Variants in CHKA observed in about 807,000 individuals in gnomAD.
CHKA encodes choline kinase alpha.
CHKA carries 34 observed loss-of-function variants against 60.1 expected under a neutral mutation model. The ratio of observed to expected loss-of-function variants is 0.57; its 90% CI spans 0.43 to 0.75. The LOEUF is 0.75. CHKA is among the 30% of genes least tolerant of loss of function. CHKA has a pLI of 0.00. For synonymous variants in CHKA, 217 were observed against 223.1 expected (o/e 0.97, Z 0.24); for missense variants, 563 against 561.3 (o/e 1.00, Z -0.03).
chr11:68,064,450 G>C (rs1856371229), intron 10 of CHKA, 75 bp downstream of exon 10: 2 of 674,888 alleles, frequency 3.0e-6, no homozygotes, highest in Non-Finnish European at 4.9e-6. Context: ...ACTCCTAATT[G>C]CAAGTCAGCA....
intron 1 of CHKA, among the ~76,000 whole-genome samples, chr11:68,097,826 G>A (rs1019568767): frequency 1.3e-5 from 2 of 152,124 alleles, no homozygotes; most frequent in African/African-American, 2.4e-5. Flanking sequence ...AGATGAAACA[G>A]GAGACCTCAA....
chr11:68,071,344 G>A (rs964920825), intron 4 of CHKA, among the ~76,000 whole-genome samples: 16 of 152,220 alleles, frequency 1.1e-4, no homozygotes, highest in African/African-American at 1.4e-4. Flanking sequence ...CAGGGGGGCC[G>A]TCTCCAGCTG....
At chr11:68,055,085 T>G (rs968646299) in intron 11 of CHKA, among the ~76,000 whole-genome samples, 9 of 152,148 alleles carry the variant, frequency 5.9e-5, no homozygotes, top group Non-Finnish European at 1.2e-4. Context: ...TGCTTCCAGT[T>G]TGGGACGATT....
chr11:68,068,893 T>C lies in CHKA; in HGVS notation c.914A>G (p.Asn305Ser). 1.2e-6 allele frequency: 2 copies of C among 1,612,080 alleles called. No individual in the cohort carries two copies. Among genetic ancestry groups the C allele is most frequent in the Non-Finnish European group, 1.7e-6 (2 of 1,178,456 alleles). Residue 305 changes from asparagine (N) to serine (S), a missense_variant, in exon 7 of 12, where the codon AAT (asparagine) becomes AGT (serine). Physicochemically the swap from Asn to Ser is conservative, Grantham distance 46. Coordinates refer to ENST00000265689, the MANE Select transcript of CHKA (RefSeq NM_001277.3). The stretch of plus-strand genomic sequence containing the variant: ...GCAATTCTTACCTTCTTGACAGTCA[T>C]TATGACAAAATACAACTGGAGATGG... ...STPSPVVFCH[N>S]DCQEGNILLL...
rs1858629642 is a variant in CHKA at position 68,121,091 on chromosome 11, C to T, written c.87G>A (p.Pro29=). Residue 29 remains proline (P), a synonymous_variant, in exon 1 of 12, where the codon CCG becomes CCA. Coordinates refer to ENST00000265689, the MANE Select transcript of CHKA (RefSeq NM_001277.3). The part of the protein sequence containing the change: ...LLSCGSGSAA[P]APGVGQQRDA... ...CGCGCTGCTGCCCCACGCCGGGCGC[C>T]GGGGCCGCGCTGCCGCTACCGCAGC... is the stretch of plus-strand genomic sequence containing the variant. 3 of 1,135,882 alleles carry T rather than the reference C, an allele frequency of 2.6e-6. No homozygotes were observed. Among genetic ancestry groups the T allele is most frequent in the African/African-American group, 1.7e-5 (1 of 60,066 alleles). 70.4% of individuals were successfully genotyped at this position (1,135,882 alleles called of 1,614,324 possible). A position where few individuals can be genotyped will look rare whatever the true frequency, so the allele number is the denominator to read the frequency against.
chr11:68,064,207 G>A (rs1590836424), intron 10 of CHKA, among the ~76,000 whole-genome samples: 1 of 152,316 alleles, frequency 6.6e-6, no homozygotes. Context: ...AGGAGTTCAA[G>A]ACTAGCCTGG....
intron 3 of CHKA, among the ~76,000 whole-genome samples, chr11:68,077,727 G>A (rs1039990650): frequency 2.0e-5 from 3 of 152,124 alleles, no homozygotes; most frequent in East Asian, 1.9e-4. Context: ...GCAAGTACAC[G>A]CAGCTATGGA....
intron 2 of CHKA, among the ~76,000 whole-genome samples, chr11:68,088,598 A>G (rs1039018385): frequency 2.0e-5 from 3 of 152,166 alleles, no homozygotes; most frequent in African/African-American, 4.8e-5. Flanking sequence ...TAGAATTGAA[A>G]GAGTTATGTG....
chr11:68,110,998 A>C (rs1858112824), intron 1 of CHKA, among the ~76,000 whole-genome samples: 3 of 140,900 alleles, frequency 2.1e-5, no homozygotes, highest in African/African-American at 7.9e-5. Flanking sequence ...ACTCCATCTC[A>C]AAAAAAAAAA....
At chr11:68,062,469 T>C (rs1488013977) in intron 10 of CHKA, among the ~76,000 whole-genome samples, 1 of 152,222 alleles carries the variant, frequency 6.6e-6, no homozygotes, top group Non-Finnish European at 1.5e-5. Context: ...CTCTCACTCC[T>C]TGAGCAAGAG....
At chr11:68,102,502 A>G (rs929781365) in intron 1 of CHKA, among the ~76,000 whole-genome samples, 19 of 152,234 alleles carry the variant, frequency 1.2e-4, no homozygotes, top group Non-Finnish European at 2.4e-4. Flanking sequence ...TATCGCACGC[A>G]CAAGAATGAA....
rs1205552071 is a variant in CHKA, at chr11:68,121,215, C to T, written c.-38G>A. The T allele has an allele frequency of 2.6e-6, 3 of 1,139,582 alleles. No homozygotes were observed. Among genetic ancestry groups the T allele is most frequent in the Non-Finnish European group, 3.2e-6 (3 of 929,112 alleles). 70.6% of individuals were successfully genotyped at this position (1,139,582 alleles called of 1,614,324 possible). A position where few individuals can be genotyped will look rare whatever the true frequency, so the allele number is the denominator to read the frequency against. On this transcript the variant is annotated 5_prime_UTR_variant, in exon 1 of 12. Transcript: ENST00000265689. ...GCCGAGGAGGCGCGGGCGGCCGCAG[C>T]GCGAGAGGACTAGGCTCAGAGTCCG...
chr11:68,062,673 G>C (rs1476892195), intron 10 of CHKA, among the ~76,000 whole-genome samples: 1 of 152,198 alleles, frequency 6.6e-6, no homozygotes, highest in Admixed American at 6.5e-5. Context: ...AGGAGTGCCT[G>C]CTCTAGTATC....
intron 7 of CHKA, among the ~76,000 whole-genome samples, chr11:68,068,587 T>G (rs1043315267): frequency 5.3e-5 from 8 of 152,098 alleles, no homozygotes; most frequent in Admixed American, 1.3e-4. Flanking sequence ...CTGGCTAATG[T>G]TTTTATTTTT....
At chr11:68,071,915 T>G in intron 4 of CHKA, among the ~76,000 whole-genome samples, 1 of 152,152 alleles carries the variant, frequency 6.6e-6, no homozygotes, top group East Asian at 1.9e-4. Flanking sequence ...GGACTCAACC[T>G]TCTATTCAAC....
intron 9 of CHKA, among the ~76,000 whole-genome samples, 189 bp downstream of exon 9, chr11:68,065,597 G>A (rs1053926194): frequency 2.0e-5 from 3 of 151,992 alleles, no homozygotes; most frequent in African/African-American, 7.3e-5. Context: ...GCTACTTGGG[G>A]GGCTGAGGCG....
Position 68,115,221 on chromosome 11 carries a change from T to A in CHKA, c.350+5607A>T, listed in dbSNP as rs534239626. Among the ~76,000 whole-genome samples the A allele has an allele frequency of 2.0e-5, 3 of 152,348 alleles. No homozygotes were observed. The South Asian group carries it at 6.2e-4, about 32-fold the overall frequency. The stretch of plus-strand genomic sequence containing the variant: ...GGCTAAGATATGCTGTTCAGTAGAT[T>A]CAATGTATTAAATGCATTTCAATTT... On this transcript the variant is annotated intron_variant, in intron 1 of 11. Transcript: ENST00000265689.
At position 68,071,214 on chromosome 11, in the gene CHKA, G is replaced by A. The variant is rs533563524; in HGVS notation, c.631-357C>T. On this transcript the variant is annotated intron_variant, in intron 4 of 11. Coordinates refer to ENST00000265689, the MANE Select transcript of CHKA (RefSeq NM_001277.3). ...CCCAATGCTGAAGTCCATGTCTTCA[G>A]CAGTTTATCACATGGCCCCACTTCC... Among the ~76,000 whole-genome samples, 7 of 152,320 alleles carry A rather than the reference G, an allele frequency of 4.6e-5. No homozygotes were observed. In the South Asian group the frequency reaches 1.4e-3, roughly 32 times the overall value.
chr11:68,056,515 A>T (rs1005767961), intron 11 of CHKA, among the ~76,000 whole-genome samples: 5 of 152,162 alleles, frequency 3.3e-5, no homozygotes, highest in African/African-American at 1.2e-4. Flanking sequence ...GGTTGTCCAC[A>T]TTTCAATCAT....
Sources: gnomAD v4.1 joint callset for allele counts (sites outside exome capture counted in the v4.1 genomes callset) on GRCh38, gnomAD v4.1.1 for gene constraint, MANE v1.5 for transcripts, NCBI Gene and HGNC (gene_info 2026-07-23, HGNC 2026-07-21) for gene names.